Variants in RHOBTB1 observed in about 807,000 individuals in gnomAD.
RHOBTB1 encodes rho-related BTB domain-containing protein 1.
Under a neutral mutation model 71.6 loss-of-function variants are expected in RHOBTB1, and 40 were observed. The observed-to-expected ratio is 0.56, with a 90% CI of 0.43 to 0.73. RHOBTB1 has a LOEUF of 0.73. RHOBTB1 is among the 30% of genes least tolerant of loss of function. RHOBTB1 has a pLI of 0.00. For synonymous variants in RHOBTB1, 319 were observed against 334.9 expected (o/e 0.95, Z 0.52); for missense variants, 797 against 894.0 (o/e 0.89, Z 1.38).
At chr10:60,916,813 T>C (rs73263839) in intron 2 of RHOBTB1, among the ~76,000 whole-genome samples, 1,901 of 152,334 alleles carry the variant, frequency 0.012, 43 homozygotes, top group African/African-American at 0.043. Context: ...CAGCCGACCT[T>C]AATATAAGCA....
chr10:60,890,002 G>C (rs1366347354), intron 5 of RHOBTB1, among the ~76,000 whole-genome samples: 1 of 152,110 alleles, frequency 6.6e-6, no homozygotes. Flanking sequence ...TTTCATGTAA[G>C]CCTCACAATA....
chr10:60,939,484 C>T (rs928562909), intron 2 of RHOBTB1, among the ~76,000 whole-genome samples: 2 of 152,200 alleles, frequency 1.3e-5, no homozygotes, highest in Admixed American at 1.3e-4. Context: ...AAAGCTTCCC[C>T]TTTCCTTTTC....
intron 4 of RHOBTB1, among the ~76,000 whole-genome samples, chr10:60,910,390 A>G (rs2082905640): frequency 6.6e-6 from 1 of 152,148 alleles, no homozygotes; most frequent in South Asian, 2.1e-4. Context: ...GACTTTGGAG[A>G]TATTTTTCTT....
chr10:60,907,125 C>G (rs112872385), intron 4 of RHOBTB1, among the ~76,000 whole-genome samples: 2,830 of 152,312 alleles, frequency 0.019, 44 homozygotes, highest in African/African-American at 0.045. Flanking sequence ...CCATGATTGT[C>G]AGGCCTCCCC....
At chr10:60,891,334 C>CTTTTTTTTTTTTTTT (rs756153141) in intron 5 of RHOBTB1, among the ~76,000 whole-genome samples, 1 of 71,320 alleles carries the variant, frequency 1.4e-5, no homozygotes, top group Admixed American at 2.0e-4. Context: ...TTGCTGTTTG[C>CTTTTTTTTTTTTTTT]TTTTTTTTTT....
At chr10:60,995,352 G>C (rs951503748) in intron 1 of RHOBTB1, among the ~76,000 whole-genome samples, 6 of 151,988 alleles carry the variant, frequency 3.9e-5, no homozygotes, top group Non-Finnish European at 7.4e-5. Flanking sequence ...ACTGGCCTGG[G>C]GGAGGAACCA....
Position 60,871,244 on chromosome 10 carries a change from A to G in RHOBTB1, c.*238T>C. 1 of 387,956 alleles carries G rather than the reference A, an allele frequency of 2.6e-6. No individual in the cohort carries two copies. Among genetic ancestry groups the G allele is most frequent in the Non-Finnish European group, 4.5e-6 (1 of 220,166 alleles). The allele number at this position is 387,956 out of a possible 1,614,324, so 24.0% of individuals were successfully genotyped here. A position where few individuals can be genotyped will look rare whatever the true frequency, so the allele number is the denominator to read the frequency against. On this transcript the variant is annotated 3_prime_UTR_variant, in exon 11 of 11. Transcript: ENST00000337910. ...TATTAAGCCTCCTAACAAAAAAAAT[A>G]TACATATCAGTTTAAGGAATGCAGT...
chr10:60,999,865 CA>C (rs1235255234), intron 1 of RHOBTB1, among the ~76,000 whole-genome samples: 11 of 152,202 alleles, frequency 7.2e-5, no homozygotes, highest in Non-Finnish European at 1.3e-4. Flanking sequence ...AATGCCATTT[CA>C]TATACAGCTT....
At chr10:60,864,422 A>G in the RHOBTB1 span, among the ~76,000 whole-genome samples, 2 of 152,184 alleles carry the variant, frequency 1.3e-5, no homozygotes, top group South Asian at 2.1e-4. Flanking sequence ...CCAGTTGGCC[A>G]TGGAAATATT....
chr10:60,890,118 A>G (rs938792630), intron 5 of RHOBTB1, among the ~76,000 whole-genome samples: 2 of 152,150 alleles, frequency 1.3e-5, no homozygotes, highest in Non-Finnish European at 2.9e-5. Context: ...GACCTCTATT[A>G]AGCAATTAGA....
intron 1 of RHOBTB1, among the ~76,000 whole-genome samples, chr10:60,990,340 C>T (rs1479967728): frequency 6.6e-6 from 1 of 152,088 alleles, no homozygotes; most frequent in African/African-American, 2.4e-5. Context: ...TTCTAGTGGA[C>T]ACCAATAGGC....
intron 4 of RHOBTB1, among the ~76,000 whole-genome samples, chr10:60,909,042 G>A (rs1052477297): frequency 3.9e-5 from 6 of 152,178 alleles, no homozygotes; most frequent in South Asian, 2.1e-4. Flanking sequence ...ACTTTGAACC[G>A]ATGGAGTCAC....
At chr10:60,962,246 G>C (rs1352744131) in intron 2 of RHOBTB1, among the ~76,000 whole-genome samples, 1 of 152,076 alleles carries the variant, frequency 6.6e-6, no homozygotes, top group Non-Finnish European at 1.5e-5. Flanking sequence ...GTAATTCTTT[G>C]TTGGAACTAA....
intron 2 of RHOBTB1, among the ~76,000 whole-genome samples, chr10:60,972,465 C>A (rs995662345): frequency 1.3e-5 from 2 of 152,018 alleles, no homozygotes; most frequent in Non-Finnish European, 2.9e-5. Context: ...TGTTCTCACT[C>A]ATAAGTAGGA....
chr10:60,892,792 C>G lies in RHOBTB1; in HGVS notation c.482+18G>C. 3.1e-6 allele frequency: 5 copies of G among 1,605,038 alleles called. No individual in the cohort carries two copies. The highest frequency in any genetic ancestry group is 3.4e-6 in the Non-Finnish European group (4 of 1,175,740). On this transcript the variant is annotated intron_variant, in intron 5 of 10. Coordinates refer to ENST00000337910, the MANE Select transcript of RHOBTB1 (RefSeq NM_014836.5). ...TTAACTTGGTCAGGACAGGGAAACA[C>G]TGAGTCCCTTGGCTTACCTTGCTAA...
upstream of RHOBTB1, among the ~76,000 whole-genome samples, chr10:60,946,065 C>T (rs2085219600): frequency 6.6e-6 from 1 of 152,126 alleles, no homozygotes; most frequent in African/African-American, 2.4e-5. Context: ...GTAGTCCCAG[C>T]TACTTGGGAG....
upstream of RHOBTB1, among the ~76,000 whole-genome samples, chr10:61,001,918 G>A (rs2087295671): frequency 6.6e-6 from 1 of 152,348 alleles, no homozygotes; most frequent in African/African-American, 2.4e-5. Flanking sequence ...CCAAGTCTGG[G>A]GAAAGTTTCT....
At chr10:60,882,464 T>C (rs1006008061) in intron 7 of RHOBTB1, among the ~76,000 whole-genome samples, 8 of 152,094 alleles carry the variant, frequency 5.3e-5, no homozygotes, top group Admixed American at 2.0e-4. Flanking sequence ...TTAAAAGTAA[T>C]GAGAAAAAAT....
At chr10:60,986,727 G>T (rs917311270) in intron 1 of RHOBTB1, among the ~76,000 whole-genome samples, 6 of 151,868 alleles carry the variant, frequency 4.0e-5, no homozygotes, top group Admixed American at 6.6e-5. Context: ...AAAAACTGAA[G>T]GGCAAAACAG....
Sources: gnomAD v4.1 joint callset for allele counts (sites outside exome capture counted in the v4.1 genomes callset) on GRCh38, gnomAD v4.1.1 for gene constraint, MANE v1.5 for transcripts, NCBI Gene and HGNC (gene_info 2026-07-23, HGNC 2026-07-21) for gene names.